PLPPR5: variants seen among roughly 807,000 people sequenced by gnomAD.
PLPPR5 encodes phospholipid phosphatase-related protein type 5.
A neutral mutation model predicts 33.9 loss-of-function variants in PLPPR5; 16 were observed. The ratio of observed to expected loss-of-function variants is 0.47; its 90% CI spans 0.32 to 0.72. The LOEUF is 0.72. PLPPR5 is among the 30% of genes least tolerant of loss of function. The pLI, the probability that PLPPR5 is intolerant of heterozygous loss-of-function variation, is 0.03. For missense variants in PLPPR5, 301 were observed against 406.7 expected (o/e 0.74, Z 2.23); for synonymous variants, 163 against 150.3 (o/e 1.08, Z -0.62).
chr1:98,909,107 A>G lies in PLPPR5; in HGVS notation c.933+5679T>C, dbSNP rs189923170. Among the ~76,000 whole-genome samples the G allele has an allele frequency of 3.6e-3, 541 of 152,060 alleles. 2 individuals carry two copies. The highest frequency in any genetic ancestry group is 0.012 in the African/African-American group (518 of 41,500). ...AAAGAAGAAAGGAAGGAAGGGAAGG[A>G]GGGACAGAGGGAGGAAGGAAGGGTC... On this transcript the variant is annotated intron_variant, in intron 5 of 5. Coordinates refer to ENST00000263177, the MANE Select transcript of PLPPR5 (RefSeq NM_001037317.2).
intron 1 of PLPPR5, among the ~76,000 whole-genome samples, chr1:99,002,432 C>T (rs1301813118): frequency 2.6e-5 from 4 of 152,168 alleles, no homozygotes; most frequent in Admixed American, 2.6e-4. Flanking sequence ...TTCAGGCATC[C>T]GTCCTATAGG....
intron 1 of PLPPR5, among the ~76,000 whole-genome samples, chr1:98,980,831 T>C (rs779908970): frequency 3.3e-5 from 5 of 152,068 alleles, no homozygotes; most frequent in Non-Finnish European, 7.4e-5. Context: ...ACTTGCCAAG[T>C]TGAATTTTAA....
intron 4 of PLPPR5, among the ~76,000 whole-genome samples, chr1:98,916,768 A>C (rs189705979): frequency 8.8e-4 from 134 of 152,362 alleles, no homozygotes; most frequent in Non-Finnish European, 1.4e-3. Flanking sequence ...TAGTATTTTA[A>C]TTATTAGGAA....
chr1:98,937,626 G>A (rs146188974), intron 3 of PLPPR5, among the ~76,000 whole-genome samples: 3 of 152,164 alleles, frequency 2.0e-5, no homozygotes, highest in Non-Finnish European at 1.5e-5. Flanking sequence ...GCAGTAAGGT[G>A]AATGAACAAT....
chr1:98,953,060 C>G lies in PLPPR5; in HGVS notation c.621+10G>C, dbSNP rs1185903133. 1 of 1,613,540 alleles carries G rather than the reference C, an allele frequency of 6.2e-7. No homozygotes were observed. The highest frequency in any genetic ancestry group is 8.5e-7 in the Non-Finnish European group (1 of 1,179,722). ...CAGACTAAGACAACAAATTTATAAT[C>G]CTTACTTACGGTCAGATACATAGCT... is the stretch of plus-strand genomic sequence containing the variant. On this transcript the variant is annotated intron_variant, in intron 3 of 5. Coordinates refer to ENST00000263177, the MANE Select transcript of PLPPR5 (RefSeq NM_001037317.2).
At chr1:98,914,946 T>C (rs1259157436) in intron 4 of PLPPR5, 26 bp from the exon 5 acceptor site, 3 of 1,600,676 alleles carry the variant, frequency 1.9e-6, no homozygotes, top group Non-Finnish European at 2.6e-6. Context: ...ACAATTACAG[T>C]TAAAGCAAAC....
At chr1:98,908,949 C>T (rs1649011781) in intron 5 of PLPPR5, among the ~76,000 whole-genome samples, 1 of 151,918 alleles carries the variant, frequency 6.6e-6, no homozygotes, top group African/African-American at 2.4e-5. Flanking sequence ...TGAGGAAGCA[C>T]TGGAACCTCC....
intron 5 of PLPPR5, among the ~76,000 whole-genome samples, chr1:98,900,776 A>G (rs1648669121): frequency 6.6e-6 from 1 of 152,186 alleles, no homozygotes; most frequent in African/African-American, 2.4e-5. Flanking sequence ...TTGTAGAACC[A>G]GGAGTTGATT....
At chr1:98,988,788 C>T (rs1483931470) in intron 1 of PLPPR5, among the ~76,000 whole-genome samples, 1 of 152,080 alleles carries the variant, frequency 6.6e-6, no homozygotes, top group African/African-American at 2.4e-5. Flanking sequence ...CTTGCTTATG[C>T]CTCTATTTTT....
chr1:98,925,922 T>TAA (rs1649741751), intron 3 of PLPPR5, among the ~76,000 whole-genome samples: 2 of 152,202 alleles, frequency 1.3e-5, no homozygotes, highest in Non-Finnish European at 2.9e-5. Flanking sequence ...TGTATGGTTA[T>TAA]AATTTATTTT....
At chr1:98,993,240 G>A (rs774675098) in intron 1 of PLPPR5, among the ~76,000 whole-genome samples, 13 of 151,896 alleles carry the variant, frequency 8.6e-5, no homozygotes, top group East Asian at 5.8e-4. Flanking sequence ...CCTTCTTCAC[G>A]ACTAAAAAGT....
At chr1:98,907,220 C>T (rs78950418) in intron 5 of PLPPR5, among the ~76,000 whole-genome samples, 28,618 of 76,720 alleles carry the variant, frequency 0.37, 2,910 homozygotes, top group African/African-American at 0.42. Flanking sequence ...TTTTTTTTTT[C>T]TGATGAAGTC....
At chr1:98,990,397 CA>C (rs1389395033) in intron 1 of PLPPR5, among the ~76,000 whole-genome samples, 2 of 151,306 alleles carry the variant, frequency 1.3e-5, no homozygotes, top group African/African-American at 2.4e-5. Context: ...AAACAAAAAA[CA>C]AAAAAAGAAA....
At chr1:98,942,495 G>A (rs1650411642) in intron 3 of PLPPR5, among the ~76,000 whole-genome samples, 1 of 152,216 alleles carries the variant, frequency 6.6e-6, no homozygotes, top group Admixed American at 6.5e-5. Context: ...CTAGGTGAAA[G>A]CAGTGTGGCA....
intron 5 of PLPPR5, among the ~76,000 whole-genome samples, chr1:98,904,841 G>C (rs1648837755): frequency 6.6e-6 from 1 of 152,196 alleles, no homozygotes; most frequent in East Asian, 1.9e-4. Context: ...TGAAGGATCA[G>C]CATATACTAT....
intron 3 of PLPPR5, among the ~76,000 whole-genome samples, chr1:98,923,191 T>G (rs1462659683): frequency 6.6e-6 from 1 of 152,318 alleles, no homozygotes; most frequent in Non-Finnish European, 1.5e-5. Context: ...ATCTAATGTA[T>G]TCTATAGCTC....
At chr1:98,997,516 G>T (rs972079584) in intron 1 of PLPPR5, among the ~76,000 whole-genome samples, 8 of 152,148 alleles carry the variant, frequency 5.3e-5, no homozygotes, top group Non-Finnish European at 1.0e-4. Context: ...TGAACGAGAT[G>T]ATTCTTTCTA....
intron 3 of PLPPR5, among the ~76,000 whole-genome samples, chr1:98,950,017 G>A (rs1444903112): frequency 6.6e-6 from 1 of 152,166 alleles, no homozygotes; most frequent in Non-Finnish European, 1.5e-5. Context: ...CTGCACCCTT[G>A]GCTTTACAGT....
At chr1:98,978,436 G>A (rs1222964571) in intron 1 of PLPPR5, among the ~76,000 whole-genome samples, 4 of 151,854 alleles carry the variant, frequency 2.6e-5, no homozygotes, top group Non-Finnish European at 2.9e-5. Context: ...CTCTCTTCAC[G>A]TGTTCATAAC....
Sources: gnomAD v4.1 joint callset for allele counts (sites outside exome capture counted in the v4.1 genomes callset) on GRCh38, gnomAD v4.1.1 for gene constraint, MANE v1.5 for transcripts, NCBI Gene and HGNC (gene_info 2026-07-23, HGNC 2026-07-21) for gene names.